SORL1: variants seen among roughly 807,000 people sequenced by gnomAD.
SORL1 encodes sortilin related receptor 1, also known as sortilin-related receptor.
In SORL1, 127 loss-of-function variants were observed where a neutral mutation model predicts 273.7. The observed-to-expected ratio is 0.46, with a 90% CI of 0.40 to 0.54. The LOEUF (loss-of-function observed/expected upper bound fraction) is 0.54, where lower values mean the gene tolerates loss of function less well. Ranked by LOEUF, SORL1 falls within the 20% of genes least tolerant of loss-of-function variation. SORL1 has a pLI of 0.00. For missense variants in SORL1, 2,494 were observed against 2,846.1 expected (o/e 0.88, Z 2.81); for synonymous variants, 1,031 against 1,067.4 (o/e 0.97, Z 0.66).
chr11:121,530,312 C>T (rs1274413679), intron 11 of SORL1, among the ~76,000 whole-genome samples: 6 of 152,184 alleles, frequency 3.9e-5, no homozygotes, highest in Admixed American at 3.9e-4. Flanking sequence ...ATTCCTATAG[C>T]ATTTCCTGTA....
chr11:121,539,541 C>A (rs1012708310), intron 12 of SORL1, among the ~76,000 whole-genome samples: 1 of 152,044 alleles, frequency 6.6e-6, no homozygotes, highest in Non-Finnish European at 1.5e-5. Context: ...TTTCCTTTAA[C>A]TTAAATGGTT....
intron 45 of SORL1, among the ~76,000 whole-genome samples, chr11:121,624,553 C>T (rs770064047): frequency 1.5e-4 from 23 of 152,180 alleles, no homozygotes; most frequent in Non-Finnish European, 2.9e-4. Flanking sequence ...GGGCTGAGAT[C>T]GGCTCAGAAG....
chr11:121,608,244 A>G (rs2134928050), intron 38 of SORL1, 68 bp downstream of exon 38: 4 of 1,304,758 alleles, frequency 3.1e-6, no homozygotes, highest in East Asian at 2.3e-5. Context: ...GACTTTCAGT[A>G]TGACCGGAAA....
At chr11:121,536,051 GAGA>G (rs1344973123) in intron 12 of SORL1, among the ~76,000 whole-genome samples, 1 of 152,240 alleles carries the variant, frequency 6.6e-6, no homozygotes. Context: ...GATCACGGAA[GAGA>G]AGATCAATTT....
chr11:121,506,298 C>T (rs566174950), intron 6 of SORL1, among the ~76,000 whole-genome samples: 30 of 152,056 alleles, frequency 2.0e-4, no homozygotes, highest in Non-Finnish European at 3.8e-4. Context: ...TGTATTAGTC[C>T]GTTTTCATGC....
At chr11:121,575,217 G>A (rs1862910098) in intron 24 of SORL1, among the ~76,000 whole-genome samples, 1 of 152,180 alleles carries the variant, frequency 6.6e-6, no homozygotes, top group Non-Finnish European at 1.5e-5. Context: ...TGGAATCCAT[G>A]TCTCCCATTT....
In SORL1 at chr11:121,522,602, C is replaced by T. The variant is rs1862056809; in HGVS notation, c.1421C>T (p.Ser474Phe). The T allele has an allele frequency of 1.2e-6, 2 of 1,613,858 alleles. No homozygotes were observed. Among genetic ancestry groups the T allele is most frequent in the Non-Finnish European group, 1.7e-6 (2 of 1,179,828 alleles). The change falls in exon 10 of 48, where the codon TCC becomes TTC. Residue 474 changes from serine to phenylalanine, a missense_variant. Transcript: ENST00000260197. ...GTTGTATAGCTTTCCCAGGGCTGTT[C>T]CCTTCATCTGGCTCAGCGCCTCAGT... is the stretch of plus-strand genomic sequence containing the variant. ...KINCELSQGC[S>F]LHLAQRLSQL... is the part of the protein sequence containing the mutation.
chr11:121,455,969 G>C (rs931102614), intron 1 of SORL1, among the ~76,000 whole-genome samples: 5 of 151,696 alleles, frequency 3.3e-5, no homozygotes, highest in East Asian at 1.9e-4. Context: ...CTCCAGCCTG[G>C]GGGACAGAGT....
chr11:121,557,230 A>G (rs546381581), intron 18 of SORL1, 84 bp from the exon 19 acceptor site: 8 of 985,726 alleles, frequency 8.1e-6, no homozygotes, highest in Non-Finnish European at 1.3e-5. Flanking sequence ...TGTCTGTAGC[A>G]GAAGCTGAGT....
At chr11:121,544,921 T>C (rs1862402853) in intron 13 of SORL1, among the ~76,000 whole-genome samples, 1 of 152,228 alleles carries the variant, frequency 6.6e-6, no homozygotes, top group Non-Finnish European at 1.5e-5. Flanking sequence ...TGTTCCCTAG[T>C]TCTCTAGGAG....
At position 121,522,642 on chromosome 11, in the gene SORL1, C is replaced by G. The variant is rs781738511; in HGVS notation, c.1461C>G (p.Leu487=). ...LAQRLSQLLN[L]QLRRMPILSK... ...AGCGCCTCAGTCAGCTCCTCAACCT[C>G]CAGCTCCGGAGAATGCCCATCCTGT... Residue 487 remains leucine, a synonymous_variant, in exon 10 of 48, where the codon CTC becomes CTG. Coordinates refer to ENST00000260197, the MANE Select transcript of SORL1 (RefSeq NM_003105.6). 2.0e-5 allele frequency: 32 copies of G among 1,614,246 alleles called. No individual in the cohort carries two copies. The highest frequency in any genetic ancestry group is 2.6e-5 in the Non-Finnish European group (31 of 1,180,036).
chr11:121,494,302 G>A (rs192245538), intron 5 of SORL1, among the ~76,000 whole-genome samples: 1 of 152,102 alleles, frequency 6.6e-6, no homozygotes, highest in Non-Finnish European at 1.5e-5. Flanking sequence ...TCTCCCCCTA[G>A]GTTTCCCCAT....
intron 14 of SORL1, among the ~76,000 whole-genome samples, chr11:121,546,354 A>G (rs1462695105): frequency 1.3e-5 from 2 of 150,892 alleles, no homozygotes; most frequent in Non-Finnish European, 3.0e-5. Flanking sequence ...AGAGTTGATG[A>G]TGAGAACAGA....
chr11:121,621,155 A>G lies in SORL1; in HGVS notation c.5981A>G (p.Asn1994Ser), dbSNP rs772824910. 2.5e-6 allele frequency: 4 copies of G among 1,614,136 alleles called. No individual in the cohort carries two copies. The highest frequency in any genetic ancestry group is 3.3e-5 in the Admixed American group (2 of 60,028). The part of the protein sequence containing the change: ...SRNSTVEYTL[N>S]KLEPGGKYHI... ...AACAGCACTGTGGAATACACCCTTA[A>G]CAAGTTGGAGCCTGGCGGGAAATAC... The change falls in exon 44 of 48, where the codon AAC becomes AGC. Residue 1994 changes from asparagine (N) to serine (S), a missense_variant. Transcript: ENST00000260197.
chr11:121,485,598 T>C (rs1333004870), intron 3 of SORL1, among the ~76,000 whole-genome samples: 3 of 152,224 alleles, frequency 2.0e-5, no homozygotes, highest in Non-Finnish European at 4.4e-5. Flanking sequence ...TAATACATTC[T>C]ATGACGGGGT....
chr11:121,613,531 T>C (rs968931070), intron 40 of SORL1, among the ~76,000 whole-genome samples: 1 of 152,180 alleles, frequency 6.6e-6, no homozygotes, highest in African/African-American at 2.4e-5. Flanking sequence ...CTACAAATGT[T>C]CTATTGTTAC....
intron 40 of SORL1, among the ~76,000 whole-genome samples, chr11:121,613,498 G>A (rs1863596994): frequency 6.6e-6 from 1 of 152,020 alleles, no homozygotes; most frequent in South Asian, 2.1e-4. Context: ...TTGAGTCCTT[G>A]TCATAGCCTT....
Position 121,614,616 on chromosome 11 carries a change from A to C in SORL1, c.5420-255A>C, listed in dbSNP as rs73595295. 2,052 of 378,566 alleles carry C rather than the reference A, an allele frequency of 5.4e-3. 39 individuals are homozygous for C. The highest frequency in any genetic ancestry group is 0.041 in the African/African-American group (1,898 of 46,732). 23.5% of individuals were successfully genotyped at this position (378,566 alleles called of 1,614,324 possible). A position where few individuals can be genotyped will look rare whatever the true frequency, so the allele number is the denominator to read the frequency against. On this transcript the variant is annotated intron_variant, in intron 40 of 47. Transcript: ENST00000260197. ...TATACAAGGCCAAATGGCTTCCAGG[A>C]GCGTTGTACCAACTCCTATCCGCGG...
At chr11:121,547,402 T>C (rs1449094950) in intron 14 of SORL1, among the ~76,000 whole-genome samples, 5 of 99,286 alleles carry the variant, frequency 5.0e-5, no homozygotes, top group African/African-American at 4.7e-5. Context: ...TGCCCTACAT[T>C]TCCCCAACCC....
Sources: gnomAD v4.1 joint callset for allele counts (sites outside exome capture counted in the v4.1 genomes callset) on GRCh38, gnomAD v4.1.1 for gene constraint, MANE v1.5 for transcripts, NCBI Gene and HGNC (gene_info 2026-07-23, HGNC 2026-07-21) for gene names.